The following C1orf232 variants were observed in gnomAD, a reference collection of about 807,000 sequenced individuals.
The protein encoded by C1orf232 is uncharacterized protein C1orf232.
Under a neutral mutation model 12.1 loss-of-function variants are expected in C1orf232, and 10 were observed. The ratio of observed to expected loss-of-function variants is 0.82; its 90% confidence interval spans 0.51 to 1.40. The LOEUF (loss-of-function observed/expected upper bound fraction) is 1.40, where lower values mean the gene tolerates loss of function less well. Among genes scored for constraint, C1orf232 ranks in the 40% most tolerant of loss-of-function variants. The pLI, the probability that C1orf232 is intolerant of heterozygous loss-of-function variation, is 0.00. For missense variants in C1orf232, 88 were observed against 98.4 expected (o/e 0.89, Z 0.45); for synonymous variants, 36 against 39.8 (o/e 0.90, Z 0.36).
chr1:26,165,775 AG>A, intron 3 of C1orf232, 50 bp downstream of exon 3: 3 of 1,231,858 alleles, frequency 2.4e-6, no homozygotes, highest in Non-Finnish European at 3.0e-6. Flanking sequence ...ACCAGGCAGA[AG>A]GGGGACCTCA....
At chr1:26,166,194 G>T in intron 1 of C1orf232, 76 bp from the exon 2 acceptor site, 1 of 1,103,512 alleles carries the variant, frequency 9.1e-7, no homozygotes, top group Non-Finnish European at 1.1e-6. Flanking sequence ...TGCTAGCCTA[G>T]TACACACAGA....
chr1:26,168,682 G>A lies in C1orf232; in HGVS notation c.-183C>T. ...GCCCAGGAGGTGAACCTGATCCAAA[G>A]GAGTCGGGGAGTGGGGGATGGAACA... On this transcript the variant is annotated 5_prime_UTR_variant, in exon 1 of 4. Transcript: ENST00000634842. 1 of 399,430 alleles carries A rather than the reference G, an allele frequency of 2.5e-6. No homozygotes were observed. Among genetic ancestry groups the A allele is most frequent in the Non-Finnish European group, 4.4e-6 (1 of 228,680 alleles). 24.7% of individuals were successfully genotyped at this position (399,430 alleles called of 1,614,324 possible).
intron 1 of C1orf232, among the ~76,000 whole-genome samples, chr1:26,168,128 C>T (rs2088445241): frequency 6.6e-6 from 1 of 152,230 alleles, no homozygotes; most frequent in African/African-American, 2.4e-5. Flanking sequence ...TAAGTGTGCC[C>T]GTGTGCCTAC....
chr1:26,165,792 C>T, intron 3 of C1orf232, 34 bp downstream of exon 3: 1 of 1,231,928 alleles, frequency 8.1e-7, no homozygotes. Context: ...CCTCAGGCCC[C>T]TTCCAGAACC....
At chr1:26,167,904 A>G (rs1246403995) in intron 1 of C1orf232, among the ~76,000 whole-genome samples, 1 of 152,194 alleles carries the variant, frequency 6.6e-6, no homozygotes, top group Admixed American at 6.5e-5. Context: ...GATTACAGGC[A>G]TGAGCCACCG....
rs1352774878 is a variant in C1orf232 at position 26,164,213 on chromosome 1, A to G, written c.509T>C (p.Leu170Pro). 1.5e-5 allele frequency: 6 copies of G among 398,372 alleles called. No individual in the cohort carries two copies. Among genetic ancestry groups the G allele is most frequent in the Non-Finnish European group, 2.7e-5 (6 of 225,966 alleles). The allele number at this position is 398,372 out of a possible 1,614,324, so 24.7% of individuals were successfully genotyped here. A position where few individuals can be genotyped will look rare whatever the true frequency, so the allele number is the denominator to read the frequency against. Residue 170 changes from leucine (L) to proline (P), a missense_variant, in exon 4 of 4, where the codon CTC (leucine) becomes CCC (proline). Transcript: ENST00000634842. This position sits in a 1 kb window ranked among gnomAD's most constrained non-coding sequence, Gnocchi z 4.2. ...EPVAGFKWGF[L>P]THKLAEMRVK... Reference sequence around the variant, plus strand: ...CCTCATCTCGGCCAGTTTGTGAGTGAGGAAGCCCCACTTGAAGCCGGCCAC... The same window carrying G: ...CCTCATCTCGGCCAGTTTGTGAGTGGGGAAGCCCCACTTGAAGCCGGCCAC...
At chr1:26,165,277 T>C (rs4659408) in intron 3 of C1orf232, among the ~76,000 whole-genome samples, 88,793 of 151,680 alleles carry the variant, frequency 0.59, 26,947 homozygotes, top group East Asian at 0.9. Flanking sequence ...GAGACTGAGG[T>C]CCCAGGTCCC....
In C1orf232 at chr1:26,164,500, C is replaced by A; in HGVS notation, c.267-45G>T. The stretch of plus-strand genomic sequence containing the variant: ...TCAGGGAAGCGGCCGGGCGGTCCCG[C>A]GGAGGAACATCGGCTGGGCTGACGG... On this transcript the variant is annotated intron_variant, in intron 3 of 3. Coordinates refer to ENST00000634842, the MANE Select transcript of C1orf232 (RefSeq NM_001364669.2). The surrounding 1 kb of genome is among the most constrained non-coding windows in gnomAD (Gnocchi z 4.2). 2.7e-6 allele frequency: 1 copy of A among 373,970 alleles called. No individual in the cohort carries two copies. 23.2% of individuals were successfully genotyped at this position (373,970 alleles called of 1,614,324 possible).
At chr1:26,166,203 G>A (rs896158592) in intron 1 of C1orf232, 85 bp from the exon 2 acceptor site, 11 of 1,001,568 alleles carry the variant, frequency 1.1e-5, no homozygotes, top group Non-Finnish European at 1.3e-5. Flanking sequence ...AGTACACACA[G>A]ACCAGGCACC....
chr1:26,164,296 G>T lies in C1orf232; in HGVS notation c.426C>A (p.Pro142=), dbSNP rs1416432481. 3 of 397,864 alleles carry T rather than the reference G, an allele frequency of 7.5e-6. No individual in the cohort carries two copies. The East Asian group carries it at 1.1e-4, about 14-fold the overall frequency. The allele number at this position is 397,864 out of a possible 1,614,324, so 24.6% of individuals were successfully genotyped here. A position where few individuals can be genotyped will look rare whatever the true frequency, so the allele number is the denominator to read the frequency against. ...TEPTPEPDPE[P]ADEAAEEAAE... ...CGGCCTCCTCCGCGGCCTCGTCCGC[G>T]GGTTCGGGGTCCGGCTCCGGAGTGG... Residue 142 remains proline (P), a synonymous_variant, in exon 4 of 4, where the codon CCC becomes CCA. Coordinates refer to ENST00000634842, the MANE Select transcript of C1orf232 (RefSeq NM_001364669.2). This position sits in a 1 kb window ranked among gnomAD's most constrained non-coding sequence, Gnocchi z 4.2.
intron 1 of C1orf232, among the ~76,000 whole-genome samples, 173 bp from the exon 2 acceptor site, chr1:26,166,291 C>G (rs1344968038): frequency 2.0e-5 from 3 of 152,184 alleles, no homozygotes; most frequent in Admixed American, 6.5e-5. Flanking sequence ...TACAGGTATA[C>G]CTGCAGAGTA....
chr1:26,165,723 A>G, intron 3 of C1orf232, 103 bp downstream of exon 3: 2 of 1,231,466 alleles, frequency 1.6e-6, no homozygotes, highest in Non-Finnish European at 2.0e-6. Context: ...GCCCCTCCCC[A>G]GCCCTCAGTG....
intron 1 of C1orf232, among the ~76,000 whole-genome samples, chr1:26,166,808 A>G (rs944583170): frequency 6.6e-6 from 1 of 152,230 alleles, no homozygotes; most frequent in Non-Finnish European, 1.5e-5. Context: ...ACACACAGTT[A>G]TATCATTCAC....
chr1:26,166,338 C>T (rs1456329900), intron 1 of C1orf232, among the ~76,000 whole-genome samples: 2 of 151,596 alleles, frequency 1.3e-5, no homozygotes, highest in African/African-American at 4.8e-5. Flanking sequence ...TTTGTGTGTG[C>T]GTGTGTGTGT....
At position 26,168,550 on chromosome 1, in the gene C1orf232, A is replaced by G; in HGVS notation, c.-51T>C. The G allele has an allele frequency of 8.7e-7, 1 of 1,153,432 alleles. No individual in the cohort carries two copies. 71.4% of individuals were successfully genotyped at this position (1,153,432 alleles called of 1,614,324 possible). On this transcript the variant is annotated 5_prime_UTR_variant, in exon 1 of 4. Transcript: ENST00000634842. ...CGCAAGCACAGGAAGGTGGTGGCTC[A>G]GTGGATACCAGTGAGTCTGGCTCTA...
chr1:26,168,441 T>A lies in C1orf232; in HGVS notation c.59A>T (p.Glu20Val). The change falls in exon 1 of 4, where the codon GAA becomes GTA. Residue 20 changes from glutamate to valine, a missense_variant. Transcript: ENST00000634842. ...KSKVLQTLSG[E>V]SEEDLAEERE... ...CTCCTCTGCCAGGTCTTCTTCAGAT[T>A]CCCCACTCAGGGTCTGTAGCACTTT... The A allele has an allele frequency of 8.1e-7, 1 of 1,231,904 alleles. No individual in the cohort carries two copies. The highest frequency in any genetic ancestry group is 1.0e-6 in the Non-Finnish European group (1 of 988,106). 76.3% of individuals were successfully genotyped at this position (1,231,904 alleles called of 1,614,324 possible).
At chr1:26,168,129 G>A (rs762542394) in intron 1 of C1orf232, among the ~76,000 whole-genome samples, 12 of 152,056 alleles carry the variant, frequency 7.9e-5, no homozygotes, top group South Asian at 2.1e-4. Flanking sequence ...AAGTGTGCCC[G>A]TGTGCCTACT....
Position 26,166,135 on chromosome 1 carries a change from C to T in C1orf232, c.85-17G>A. 1 of 1,231,342 alleles carries T rather than the reference C, an allele frequency of 8.1e-7. No homozygotes were observed. The highest frequency in any genetic ancestry group is 1.0e-6 in the Non-Finnish European group (1 of 987,730). 76.3% of individuals were successfully genotyped at this position (1,231,342 alleles called of 1,614,324 possible). On this transcript the variant is annotated splice_polypyrimidine_tract_variant and intron_variant, in intron 1 of 3. Transcript: ENST00000634842. ...GTTCTCCCTCTGGGACACAAGACCC[C>T]CACACAGCATGAGAGAGGCCGCAGA...
rs1046370166 is a variant in C1orf232 at position 26,166,104 on chromosome 1, T to C, written c.99A>G (p.Ala33=). 2 of 1,231,672 alleles carry C rather than the reference T, an allele frequency of 1.6e-6. No individual in the cohort carries two copies. 76.3% of individuals were successfully genotyped at this position (1,231,672 alleles called of 1,614,324 possible). A position where few individuals can be genotyped will look rare whatever the true frequency, so the allele number is the denominator to read the frequency against. Residue 33 remains alanine, a synonymous_variant, in exon 2 of 4, where the codon GCA becomes GCG. Transcript: ENST00000634842. The stretch of plus-strand genomic sequence containing the variant: ...GTTCTGCTGTCTCAGACCCCACTAA[T>C]GCTGGGTTCTCCCTCTGGGACACAA... ...EDLAEERENP[A]LVGSETAEPT... is the part of the protein sequence containing the mutation.
Sources: gnomAD v4.1 joint callset for allele counts (sites outside exome capture counted in the v4.1 genomes callset) on GRCh38, gnomAD v4.1.1 for gene constraint, Gnocchi (gnomAD v3.1) non-coding constraint, MANE v1.5 for transcripts, NCBI Gene and HGNC (gene_info 2026-07-23, HGNC 2026-07-21) for gene names.